RBFOX1: variants seen among roughly 807,000 people sequenced by gnomAD.
RBFOX1 encodes RNA binding protein fox-1 homolog 1.
In RBFOX1, 8 loss-of-function variants were observed where a neutral mutation model predicts 57.7. The ratio of observed to expected loss-of-function variants is 0.14; its 90% CI spans 0.08 to 0.25. RBFOX1 has a LOEUF of 0.25. Among genes scored for constraint, RBFOX1 ranks in the 10% least tolerant of loss-of-function variants. The probability of loss-of-function intolerance (pLI) is 1.00; values close to 1 mark genes in which losing one functional copy is unlikely to be tolerated. For synonymous variants in RBFOX1, 326 were observed against 222.4 expected (o/e 1.47, Z -4.15); for missense variants, 611 against 548.5 (o/e 1.11, Z -1.14).
chr16:5,802,869 C>A (rs1214657843), intron 3 of RBFOX1, among the ~76,000 whole-genome samples: 1 of 152,208 alleles, frequency 6.6e-6, no homozygotes, highest in Non-Finnish European at 1.5e-5. Flanking sequence ...ACCATTCATT[C>A]ATTAATCATA....
intron 2 of RBFOX1, among the ~76,000 whole-genome samples, chr16:6,653,815 T>A (rs1602902565): frequency 6.8e-6 from 1 of 147,004 alleles, no homozygotes; most frequent in East Asian, 2.1e-4. Context: ...GACGGATGAA[T>A]GGGAGAAGGA....
chr16:6,928,496 C>A (rs1464443014), intron 3 of RBFOX1, among the ~76,000 whole-genome samples: 1 of 152,126 alleles, frequency 6.6e-6, no homozygotes, highest in African/African-American at 2.4e-5. Context: ...AGACTGCTTT[C>A]ATGCGTTAAT....
intron 3 of RBFOX1, among the ~76,000 whole-genome samples, chr16:5,758,516 C>T (rs2053477917): frequency 6.6e-6 from 1 of 152,120 alleles, no homozygotes; most frequent in Non-Finnish European, 1.5e-5. Flanking sequence ...TGGTGGTGTC[C>T]AAAGTGAGCC....
At chr16:7,416,106 G>T (rs1045415411) in intron 4 of RBFOX1, among the ~76,000 whole-genome samples, 1 of 152,064 alleles carries the variant, frequency 6.6e-6, no homozygotes, top group African/African-American at 2.4e-5. Context: ...AATCTGAAAC[G>T]ATTGCTCCCA....
At chr16:6,667,031 T>A (rs1305604160) in intron 3 of RBFOX1, among the ~76,000 whole-genome samples, 1 of 152,182 alleles carries the variant, frequency 6.6e-6, no homozygotes, top group African/African-American at 2.4e-5. Context: ...ACAGGTTAAC[T>A]CTTTTACTAA....
Position 6,672,447 on chromosome 16 carries a change from A to G in RBFOX1, c.-16+17797A>G, listed in dbSNP as rs530574854. Among the ~76,000 whole-genome samples, 15 of 151,668 alleles carry G rather than the reference A, an allele frequency of 9.9e-5. No individual in the cohort carries two copies. In the South Asian group the frequency reaches 3.1e-3, roughly 32 times the overall value. On this transcript the variant is annotated intron_variant, in intron 3 of 15. Transcript: ENST00000550418. ...GGAAGGAAAAAGAAAAGAAAGAGAA[A>G]AGAAAGGAAAGGAAGGAAAGAAGGA...
At chr16:7,420,942 C>CATATATATAT (rs2098536595) in intron 4 of RBFOX1, among the ~76,000 whole-genome samples, 2 of 147,248 alleles carry the variant, frequency 1.4e-5, no homozygotes, top group African/African-American at 5.1e-5. Context: ...TATATATACA[C>CATATATATAT]ACACACACAC....
intron 2 of RBFOX1, among the ~76,000 whole-genome samples, chr16:6,620,705 A>G (rs1341868789): frequency 6.6e-6 from 1 of 152,192 alleles, no homozygotes; most frequent in Non-Finnish European, 1.5e-5. Context: ...ACAAACAACC[A>G]TCACAAGATT....
Position 5,811,972 on chromosome 16 carries a change from A to G in RBFOX1, c.319-55331A>G, listed in dbSNP as rs561512873. On this transcript the variant is annotated intron_variant, in intron 3 of 19. Transcript: ENST00000641259. ...CAGGGAACTGCTAAAACTCCAGGAAATGACTGATCTGATTTCTATCTCTAG... is the reference window on the plus strand; with the variant it reads ...CAGGGAACTGCTAAAACTCCAGGAAGTGACTGATCTGATTTCTATCTCTAG... 2.6e-5 allele frequency among the ~76,000 whole-genome samples: 4 copies of G among 152,286 alleles called. No homozygotes were observed. The East Asian group carries it at 5.8e-4, about 22-fold the overall frequency.
chr16:5,441,795 G>A (rs1211978650), intron 1 of RBFOX1, among the ~76,000 whole-genome samples: 1 of 152,176 alleles, frequency 6.6e-6, no homozygotes, highest in Admixed American at 6.5e-5. Flanking sequence ...TGAGTGCCCA[G>A]TGAAGGGGGA....
chr16:7,437,689 C>G (rs1447196261), intron 4 of RBFOX1, among the ~76,000 whole-genome samples: 1 of 152,226 alleles, frequency 6.6e-6, no homozygotes, highest in East Asian at 1.9e-4. Flanking sequence ...AAGCTGCCTT[C>G]TAAATATTTG....
chr16:6,373,476 A>G (rs2090765558), intron 2 of RBFOX1, among the ~76,000 whole-genome samples: 1 of 150,814 alleles, frequency 6.6e-6, no homozygotes, highest in African/African-American at 2.4e-5. Context: ...TTTGGGTAGG[A>G]GGATGGTTGG....
intron 4 of RBFOX1, among the ~76,000 whole-genome samples, chr16:5,957,143 G>T (rs2059659390): frequency 6.6e-6 from 1 of 152,152 alleles, no homozygotes; most frequent in South Asian, 2.1e-4. Flanking sequence ...TGGACCAAAT[G>T]TCTACCTGAA....
At chr16:6,110,562 C>G (rs967061788) in intron 1 of RBFOX1, among the ~76,000 whole-genome samples, 2 of 152,068 alleles carry the variant, frequency 1.3e-5, no homozygotes, top group South Asian at 4.1e-4. Context: ...AAAAACAAAA[C>G]CCTCCAATTA....
chr16:7,042,966 T>G (rs1400309162), intron 3 of RBFOX1, among the ~76,000 whole-genome samples: 4 of 152,162 alleles, frequency 2.6e-5, no homozygotes, highest in Non-Finnish European at 4.4e-5. Context: ...ACAATTACTT[T>G]CCTAGCAGCA....
intron 4 of RBFOX1, among the ~76,000 whole-genome samples, chr16:5,955,841 G>A (rs1228910892): frequency 1.3e-5 from 2 of 152,246 alleles, no homozygotes; most frequent in Admixed American, 6.5e-5. Flanking sequence ...ACATGTTAAT[G>A]TAGTTACCAG....
chr16:6,829,970 G>A lies in RBFOX1; in HGVS notation c.-16+175320G>A, dbSNP rs181292188. Among the ~76,000 whole-genome samples, 427 of 151,930 alleles carry A rather than the reference G, an allele frequency of 2.8e-3. 4 individuals are homozygous for A. The highest frequency in any genetic ancestry group is 0.01 in the African/African-American group (417 of 41,408). On this transcript the variant is annotated intron_variant, in intron 3 of 15. Coordinates refer to ENST00000550418, the MANE Select transcript of RBFOX1 (RefSeq NM_018723.4). ...TTGCTCTTGTTGCCCAGGCTGGAGT[G>A]CAGTGGTGCAGTCTCAGCTCTCTGC... is the stretch of plus-strand genomic sequence containing the variant.
chr16:5,305,145 A>G (rs962597399), intron 1 of RBFOX1, among the ~76,000 whole-genome samples: 4 of 152,144 alleles, frequency 2.6e-5, no homozygotes, highest in Non-Finnish European at 5.9e-5. Flanking sequence ...GCCTTACAGA[A>G]TGCTGGTTTG....
chr16:6,299,728 C>A (rs1291848134), intron 1 of RBFOX1, among the ~76,000 whole-genome samples: 1 of 152,122 alleles, frequency 6.6e-6, no homozygotes, highest in Non-Finnish European at 1.5e-5. Context: ...TGGCCAAAAG[C>A]GTGGACTCTG....
Sources: gnomAD v4.1 joint callset for allele counts (sites outside exome capture counted in the v4.1 genomes callset) on GRCh38, gnomAD v4.1.1 for gene constraint, MANE v1.5 for transcripts, NCBI Gene and HGNC (gene_info 2026-07-23, HGNC 2026-07-21) for gene names.